PDPN: variants seen among roughly 807,000 people sequenced by gnomAD.
PDPN encodes PA2.26 antigen.
A neutral mutation model predicts 23.2 loss-of-function variants in PDPN; 12 were observed. The ratio of observed to expected loss-of-function variants is 0.52; its 90% CI spans 0.33 to 0.84. PDPN has a LOEUF of 0.84. Among genes scored for constraint, PDPN ranks in the 40% least tolerant of loss-of-function variants. The pLI, the probability that PDPN is intolerant of heterozygous loss-of-function variation, is 0.02. For missense variants in PDPN, 199 were observed against 212.2 expected, an observed-to-expected ratio of 0.94 and a Z score of 0.39; for synonymous variants, 77 against 76.7, an observed-to-expected ratio of 1.00 and a Z score of -0.02.
Position 13,615,972 on chromosome 1 carries a change from T to C in PDPN, c.*61T>C. On this transcript the variant is annotated 3_prime_UTR_variant, in exon 6 of 6. Transcript: ENST00000621990. Reference sequence around the variant, plus strand: ...TAAAAAAAGACCGTTTCTGACTCTGTGCCCTGTCCCTGAGCTCGTGGGAGA... The same window carrying C: ...TAAAAAAAGACCGTTTCTGACTCTGCGCCCTGTCCCTGAGCTCGTGGGAGA... 1 of 1,538,348 alleles carries C rather than the reference T, an allele frequency of 6.5e-7. No homozygotes were observed. The highest frequency in any genetic ancestry group is 9.0e-7 in the Non-Finnish European group (1 of 1,110,998).
intron 1 of PDPN, among the ~76,000 whole-genome samples, chr1:13,594,596 G>A (rs192724864): frequency 3.9e-4 from 60 of 152,276 alleles, no homozygotes; most frequent in African/African-American, 1.3e-3. Context: ...CCATGCACTG[G>A]CACTTGCTCA....
chr1:13,593,990 C>T (rs1225584700), intron 1 of PDPN, among the ~76,000 whole-genome samples: 8 of 152,212 alleles, frequency 5.3e-5, no homozygotes, highest in Non-Finnish European at 8.8e-5. Context: ...AAGAGAAAAA[C>T]GTCTCCCCAT....
At chr1:13,595,746 A>G in intron 1 of PDPN, 1 of 589,774 alleles carries the variant, frequency 1.7e-6, no homozygotes, top group Non-Finnish European at 2.9e-6. Context: ...CGCTGCTCAC[A>G]CGAAATTGAA....
chr1:13,585,814 G>A (rs567547675), intron 1 of PDPN, among the ~76,000 whole-genome samples: 1 of 152,282 alleles, frequency 6.6e-6, no homozygotes, highest in Admixed American at 6.5e-5. Context: ...TGAGCGAGGC[G>A]ACTTGAATAT....
Position 13,616,488 on chromosome 1 carries a change from T to G in PDPN, c.*577T>G, listed in dbSNP as rs148788852. The G allele has an allele frequency of 6.5e-6, 1 of 154,536 alleles. No homozygotes were observed. The highest frequency in any genetic ancestry group is 1.9e-4 in the East Asian group (1 of 5,224). The allele number at this position is 154,536 out of a possible 1,614,324, so 9.6% of individuals were successfully genotyped here. A position where few individuals can be genotyped will look rare whatever the true frequency, so the allele number is the denominator to read the frequency against. On this transcript the variant is annotated 3_prime_UTR_variant, in exon 6 of 6. Transcript: ENST00000621990. ...GATAACACGTGGTGAACAACTGCCT[T>G]TAGCTGGTCCAGATTAATCATTTCA...
At chr1:13,591,762 A>G (rs543645357) in intron 1 of PDPN, among the ~76,000 whole-genome samples, 1 of 152,340 alleles carries the variant, frequency 6.6e-6, no homozygotes, top group East Asian at 1.9e-4. Context: ...TAGCACAGTC[A>G]TAGCTCACGA....
chr1:13,600,311 G>A (rs1277687779), intron 1 of PDPN, among the ~76,000 whole-genome samples: 2 of 152,046 alleles, frequency 1.3e-5, no homozygotes, highest in Non-Finnish European at 2.9e-5. Context: ...CCAGGGATGC[G>A]GTTAGAATAT....
chr1:13,611,682 C>G (rs1640938965), intron 3 of PDPN, among the ~76,000 whole-genome samples: 1 of 152,078 alleles, frequency 6.6e-6, no homozygotes, highest in South Asian at 2.1e-4. Context: ...TGTGAATGTA[C>G]TTAATACCAC....
intron 4 of PDPN, among the ~76,000 whole-genome samples, chr1:13,614,043 A>T (rs74058146): frequency 0.017 from 2,648 of 152,236 alleles, 77 homozygotes; most frequent in African/African-American, 0.061. Context: ...ATACGTAAAC[A>T]CTACCCAAAA....
chr1:13,602,844 A>G (rs1156860466), intron 1 of PDPN, among the ~76,000 whole-genome samples: 1 of 152,022 alleles, frequency 6.6e-6, no homozygotes, highest in Non-Finnish European at 1.5e-5. Flanking sequence ...CTGGGATTAC[A>G]GGCGTGAGCC....
At chr1:13,613,501 A>G (rs1463846615) in intron 3 of PDPN, among the ~76,000 whole-genome samples, 186 bp from the exon 4 acceptor site, 1 of 152,134 alleles carries the variant, frequency 6.6e-6, no homozygotes, top group Non-Finnish European at 1.5e-5. Flanking sequence ...TTAGATAATA[A>G]TAGTTACAAA....
rs1252180071 is a variant in PDPN at position 13,614,332 on chromosome 1, A to G, written c.403A>G (p.Ile135Val). The change falls in exon 5 of 6, where the codon ATA becomes GTA. Residue 135 changes from isoleucine to valine, a missense_variant. Physicochemically the swap from Ile to Val is conservative, Grantham distance 29. Transcript: ENST00000621990. ...GLSTVTLVGI[I>V]VGVLLAIGFI... ...GTCAACAGTGACCCTGGTTGGAATC[A>G]TAGTTGGGGTCTTACTAGCCATCGG... 1.9e-6 allele frequency: 3 copies of G among 1,606,926 alleles called. No homozygotes were observed. In the African/African-American group the frequency reaches 4.0e-5, roughly 21 times the overall value.
chr1:13,589,128 A>G (rs748944292), intron 1 of PDPN, among the ~76,000 whole-genome samples: 16 of 152,178 alleles, frequency 1.1e-4, no homozygotes, highest in South Asian at 4.1e-4. Flanking sequence ...TCTGATCTCA[A>G]TCAAGGTGGT....
intron 1 of PDPN, chr1:13,596,003 G>A: frequency 2.1e-6 from 1 of 476,626 alleles, no homozygotes. Context: ...TTTGAGAGCA[G>A]CCTGGTCAAC....
In PDPN at chr1:13,584,085, G is replaced by A. The variant is rs1274714940; in HGVS notation, c.52G>A (p.Val18Ile). The change falls in exon 1 of 6, where the codon GTC becomes ATC. Residue 18 changes from valine to isoleucine, a missense_variant. Physicochemically the swap from Val to Ile is conservative, Grantham distance 29 (BLOSUM62 3). Transcript: ENST00000621990. Reference protein sequence around the residue: ...LFVLGSASLWVLAEGASTGQP... With the variant: ...LFVLGSASLWILAEGASTGQP... ...CGTTTTGGGAAGCGCGTCGCTCTGG[G>A]TCCTGGCAGAAGGAGGTAAGACCCA... is the stretch of plus-strand genomic sequence containing the variant. The A allele has an allele frequency of 1.9e-6, 3 of 1,612,988 alleles. No individual in the cohort carries two copies. The African/African-American group carries it at 4.0e-5, about 22-fold the overall frequency.
chr1:13,613,091 T>C (rs1640977001), intron 3 of PDPN, among the ~76,000 whole-genome samples: 1 of 152,202 alleles, frequency 6.6e-6, no homozygotes, highest in Admixed American at 6.5e-5. Flanking sequence ...TGACTGCAGA[T>C]AGAGACCCTA....
rs953051512 is a variant in PDPN at position 13,616,272 on chromosome 1, G to A, written c.*361G>A. 5 of 273,432 alleles carry A rather than the reference G, an allele frequency of 1.8e-5. No homozygotes were observed. The highest frequency in any genetic ancestry group is 4.4e-5 in the African/African-American group (2 of 45,382). The allele number at this position is 273,432 out of a possible 1,614,324, so 16.9% of individuals were successfully genotyped here. ...CATGTGTCTCCGTCTGACCATTCTT[G>A]TTATTGTTAAAATGCAGAGGAATCT... On this transcript the variant is annotated 3_prime_UTR_variant, in exon 6 of 6. Coordinates refer to ENST00000621990, the MANE Select transcript of PDPN (RefSeq NM_006474.5).
At position 13,608,754 on chromosome 1, in the gene PDPN, G is replaced by GT. The variant is rs553809629; in HGVS notation, c.201+1455dup. Among the ~76,000 whole-genome samples the GT allele has an allele frequency of 8.5e-5, 13 of 152,306 alleles. No individual in the cohort carries two copies. In the South Asian group the frequency reaches 1.9e-3, roughly 22 times the overall value. On this transcript the variant is annotated intron_variant, in intron 2 of 5. Coordinates refer to ENST00000621990, the MANE Select transcript of PDPN (RefSeq NM_006474.5). ...GCACACCGAACAAAGGCGGGAAAGG[G>GT]TTTTTTTATTCTTAATGCAGTTTGT...
chr1:13,584,143 A>G (rs1569999428), intron 1 of PDPN, 43 bp downstream of exon 1: 1 of 1,600,986 alleles, frequency 6.2e-7, no homozygotes, highest in East Asian at 2.2e-5. Flanking sequence ...GCTGATGGGG[A>G]CGAGCGAGCA....
Sources: allele counts gnomAD v4.1 joint callset (sites outside exome capture counted in the v4.1 genomes callset), GRCh38; gene constraint gnomAD v4.1.1; transcripts MANE v1.5; gene names NCBI Gene and HGNC (gene_info 2026-07-23, HGNC 2026-07-21).